The following MDGA2 variants were observed in gnomAD, a reference collection of about 807,000 sequenced individuals.
The protein encoded by MDGA2 is MAM domain containing glycosylphosphatidylinositol anchor 2.
MDGA2 carries 40 observed loss-of-function variants against 117.8 expected under a neutral mutation model. The observed-to-expected ratio is 0.34, with a 90% CI of 0.26 to 0.44. The LOEUF is 0.44. Among genes scored for constraint, MDGA2 ranks in the 20% least tolerant of loss-of-function variants. The pLI, the probability that MDGA2 is intolerant of heterozygous loss-of-function variation, is 1.00. For missense variants in MDGA2, 1,123 were observed against 1,250.6 expected (o/e 0.90, Z 1.54); for synonymous variants, 452 against 439.0 (o/e 1.03, Z -0.37).
intron 1 of MDGA2, among the ~76,000 whole-genome samples, chr14:47,612,308 C>G (rs1487274689): frequency 6.6e-6 from 1 of 152,198 alleles, no homozygotes; most frequent in South Asian, 2.1e-4. Flanking sequence ...TGACACCCCA[C>G]AGTCACAGTA....
chr14:47,208,977 T>G (rs1885784825), intron 3 of MDGA2, among the ~76,000 whole-genome samples: 1 of 149,234 alleles, frequency 6.7e-6, no homozygotes, highest in Non-Finnish European at 1.5e-5. Flanking sequence ...GAGAATACGT[T>G]TGCTCGGGAA....
At chr14:46,872,235 A>G (rs1446651114) in intron 14 of MDGA2, among the ~76,000 whole-genome samples, 1 of 151,974 alleles carries the variant, frequency 6.6e-6, no homozygotes, top group Admixed American at 6.6e-5. Context: ...GATACATATT[A>G]TGTGTCCAAT....
intron 1 of MDGA2, among the ~76,000 whole-genome samples, chr14:47,581,268 C>G (rs1044128133): frequency 6.6e-6 from 1 of 151,924 alleles, no homozygotes; most frequent in African/African-American, 2.4e-5. Context: ...GAATAAGAGT[C>G]AGATAAAAAA....
At chr14:47,263,271 AT>A (rs1887858738) in intron 2 of MDGA2, among the ~76,000 whole-genome samples, 1 of 152,148 alleles carries the variant, frequency 6.6e-6, no homozygotes, top group African/African-American at 2.4e-5. Context: ...AGGCACGTGG[AT>A]TCAAATTATA....
intron 8 of MDGA2, among the ~76,000 whole-genome samples, chr14:47,009,683 C>T (rs1444434275): frequency 2.6e-5 from 4 of 152,006 alleles, no homozygotes; most frequent in African/African-American, 9.7e-5. Flanking sequence ...TGAGGCAGTG[C>T]ATTTAATTTC....
chr14:47,189,261 C>A (rs910342557), intron 3 of MDGA2, among the ~76,000 whole-genome samples: 1 of 152,038 alleles, frequency 6.6e-6, no homozygotes, highest in South Asian at 2.1e-4. Context: ...CACAAACACA[C>A]GCTAAACTAT....
intron 1 of MDGA2, among the ~76,000 whole-genome samples, chr14:47,496,114 G>A (rs1162833561): frequency 6.6e-6 from 1 of 151,754 alleles, no homozygotes; most frequent in Non-Finnish European, 1.5e-5. Flanking sequence ...TTATTTGCTT[G>A]TCATATTTTT....
intron 8 of MDGA2, among the ~76,000 whole-genome samples, chr14:46,963,438 C>A (rs1885890565): frequency 6.6e-6 from 1 of 152,230 alleles, no homozygotes. Flanking sequence ...GTTTGCTATT[C>A]AGGACTTCAA....
At chr14:47,583,179 T>A (rs1896260351) in intron 1 of MDGA2, among the ~76,000 whole-genome samples, 1 of 151,836 alleles carries the variant, frequency 6.6e-6, no homozygotes. Context: ...ACAGACAATG[T>A]GCAAGTAAAT....
intron 1 of MDGA2, among the ~76,000 whole-genome samples, chr14:47,512,148 T>C (rs1894655703): frequency 6.6e-6 from 1 of 152,100 alleles, no homozygotes; most frequent in Non-Finnish European, 1.5e-5. Context: ...TCAACTGACT[T>C]AGTATTTTAT....
At chr14:47,270,067 T>A (rs1888095833) in intron 2 of MDGA2, among the ~76,000 whole-genome samples, 1 of 152,220 alleles carries the variant, frequency 6.6e-6, no homozygotes, top group African/African-American at 2.4e-5. Context: ...GCTCTGAGGC[T>A]GCACGGCTGC....
chr14:47,397,041 T>C (rs893443750), intron 1 of MDGA2, among the ~76,000 whole-genome samples: 4 of 152,196 alleles, frequency 2.6e-5, no homozygotes, highest in African/African-American at 9.7e-5. Flanking sequence ...CGTATGTTTA[T>C]TGCAGCACTG....
chr14:47,604,799 A>G (rs955989727), intron 1 of MDGA2, among the ~76,000 whole-genome samples: 3 of 151,964 alleles, frequency 2.0e-5, no homozygotes, highest in East Asian at 3.9e-4. Context: ...CTCATTCTCA[A>G]CCTTTTGGTA....
At chr14:47,128,354 C>T (rs1331603914) in intron 5 of MDGA2, among the ~76,000 whole-genome samples, 4 of 151,956 alleles carry the variant, frequency 2.6e-5, no homozygotes, top group African/African-American at 9.7e-5. Context: ...AAAGTGGTAA[C>T]TTAATTAATA....
At chr14:46,919,979 C>A in intron 10 of MDGA2, 33 bp downstream of exon 10, 1 of 1,540,734 alleles carries the variant, frequency 6.5e-7, no homozygotes, top group African/African-American at 1.4e-5. Flanking sequence ...CAGAGGACCA[C>A]AAAGAAAAAA....
At chr14:47,410,944 C>G (rs561658900) in intron 1 of MDGA2, among the ~76,000 whole-genome samples, 1 of 152,214 alleles carries the variant, frequency 6.6e-6, no homozygotes, top group East Asian at 1.9e-4. Flanking sequence ...TTTTCTAATT[C>G]AACTTTAGTC....
Position 47,212,966 on chromosome 14 carries a change from C to T in MDGA2, c.595+5055G>A, listed in dbSNP as rs371359077. Reference sequence around the variant, plus strand: ...CTTCTGAAGCTCAATGTATGACAAGCTTCTATTGTCGTGCTGCCCTGTTTC... The same window carrying T: ...CTTCTGAAGCTCAATGTATGACAAGTTTCTATTGTCGTGCTGCCCTGTTTC... On this transcript the variant is annotated intron_variant, in intron 3 of 16. Coordinates refer to ENST00000399232, the MANE Select transcript of MDGA2 (RefSeq NM_001113498.3). Among the ~76,000 whole-genome samples, 34 of 152,216 alleles carry T rather than the reference C, an allele frequency of 2.2e-4. No homozygotes were observed. The South Asian group carries it at 6.6e-3, about 30-fold the overall frequency.
chr14:47,499,415 C>T (rs906297904), intron 1 of MDGA2, among the ~76,000 whole-genome samples: 3 of 152,060 alleles, frequency 2.0e-5, no homozygotes, highest in African/African-American at 7.2e-5. Context: ...TTCTTTCTCC[C>T]CCCATTGATA....
At chr14:47,513,362 C>A (rs1200617484) in intron 1 of MDGA2, among the ~76,000 whole-genome samples, 1 of 152,060 alleles carries the variant, frequency 6.6e-6, no homozygotes, top group Non-Finnish European at 1.5e-5. Context: ...TAAACAATCA[C>A]TTTAATATAT....
Sources: gnomAD v4.1 joint callset for allele counts (sites outside exome capture counted in the v4.1 genomes callset) on GRCh38, gnomAD v4.1.1 for gene constraint, MANE v1.5 for transcripts, NCBI Gene and HGNC (gene_info 2026-07-23, HGNC 2026-07-21) for gene names.